UNC13C: variants seen among roughly 807,000 people sequenced by gnomAD.
UNC13C encodes protein unc-13 homolog C.
UNC13C carries 174 observed loss-of-function variants against 245.4 expected under a neutral mutation model. The observed-to-expected ratio is 0.71, with a 90% CI of 0.63 to 0.80. The LOEUF (loss-of-function observed/expected upper bound fraction) is 0.80. Ranked by LOEUF, UNC13C falls within the 30% of genes least tolerant of loss-of-function variation. The pLI, the probability that UNC13C is intolerant of heterozygous loss-of-function variation, is 0.00. For missense variants in UNC13C, 2,829 were observed against 2,602.9 expected, an observed-to-expected ratio of 1.09 and a Z score of -1.89; for synonymous variants, 992 against 895.1, an observed-to-expected ratio of 1.11 and a Z score of -1.93.
At chr15:54,378,437 G>A (rs1379871574) in intron 17 of UNC13C, among the ~76,000 whole-genome samples, 2 of 152,012 alleles carry the variant, frequency 1.3e-5, no homozygotes, top group Non-Finnish European at 2.9e-5. Context: ...TAAAATGGTA[G>A]TGTTTTATAT....
chr15:54,073,275 T>G (rs529047746), intron 2 of UNC13C, among the ~76,000 whole-genome samples: 316 of 152,246 alleles, frequency 2.1e-3, no homozygotes, highest in African/African-American at 7.3e-3. Flanking sequence ...TTTATCTAGT[T>G]TATCATTGAT....
intron 18 of UNC13C, among the ~76,000 whole-genome samples, chr15:54,410,615 G>A (rs895436701): frequency 2.0e-5 from 3 of 151,996 alleles, no homozygotes; most frequent in African/African-American, 4.8e-5. Flanking sequence ...TATTAAATGG[G>A]GAGTCGTTTC....
the UNC13C span, among the ~76,000 whole-genome samples, chr15:53,949,807 A>G: frequency 6.6e-6 from 1 of 152,192 alleles, no homozygotes; most frequent in Non-Finnish European, 1.5e-5. Context: ...TATAGTCCTC[A>G]AGATTCTTAT....
intron 30 of UNC13C, among the ~76,000 whole-genome samples, chr15:54,618,661 G>A (rs190560605): frequency 2.0e-3 from 299 of 152,166 alleles, no homozygotes; most frequent in South Asian, 0.012. Context: ...ACATAGTAAA[G>A]CAAATCTTCC....
chr15:53,938,320 G>C, the UNC13C span, among the ~76,000 whole-genome samples: 1 of 152,150 alleles, frequency 6.6e-6, no homozygotes, highest in African/African-American at 2.4e-5. Context: ...AACAAGAAGA[G>C]CTAACTATCC....
the UNC13C span, among the ~76,000 whole-genome samples, chr15:53,935,115 C>T: frequency 2.0e-5 from 3 of 151,796 alleles, no homozygotes; most frequent in African/African-American, 7.3e-5. Flanking sequence ...ACAATATCTC[C>T]TACTTTTCTT....
chr15:54,069,187 A>G (rs1898205651), intron 2 of UNC13C, among the ~76,000 whole-genome samples: 1 of 152,176 alleles, frequency 6.6e-6, no homozygotes. Context: ...CACTAGAAGG[A>G]GTGCGTTCCT....
chr15:53,988,985 A>G (rs7177860), intron 1 of UNC13C, among the ~76,000 whole-genome samples: 72,061 of 151,678 alleles, frequency 0.48, 18,209 homozygotes, highest in African/African-American at 0.65. Context: ...CTAGCTAGCT[A>G]GATTCCCCTT....
chr15:53,888,805 G>T, the UNC13C span, among the ~76,000 whole-genome samples: 1 of 152,102 alleles, frequency 6.6e-6, no homozygotes, highest in African/African-American at 2.4e-5. Context: ...ATTAGATAGG[G>T]TATCTTTTCC....
Position 54,543,410 on chromosome 15 carries a change from T to A in UNC13C, c.5697-3312T>A, listed in dbSNP as rs28789708. Among the ~76,000 whole-genome samples, 490 of 151,568 alleles carry A rather than the reference T, an allele frequency of 3.2e-3. 4 individuals carry two copies. The highest frequency in any genetic ancestry group is 0.011 in the African/African-American group (463 of 41,286). ...GAACTAGAGAAGCAAGAAAAACAAA[T>A]TCAAAAGCTAGGAGAAAAGAAGTAA... On this transcript the variant is annotated intron_variant, in intron 26 of 32. Coordinates refer to ENST00000260323, the MANE Select transcript of UNC13C (RefSeq NM_001080534.3).
chr15:54,220,012 T>C (rs1231216061), intron 4 of UNC13C, among the ~76,000 whole-genome samples: 1 of 141,850 alleles, frequency 7.0e-6, no homozygotes, highest in East Asian at 2.0e-4. Flanking sequence ...TGTAAACTAG[T>C]TCAACCATTG....
chr15:53,989,628 C>G (rs1478673645), intron 1 of UNC13C, among the ~76,000 whole-genome samples: 1 of 151,382 alleles, frequency 6.6e-6, no homozygotes, highest in East Asian at 1.9e-4. Flanking sequence ...AGAATAATAT[C>G]TGCAAGTTAA....
intron 11 of UNC13C, among the ~76,000 whole-genome samples, chr15:54,295,702 G>A (rs1490321861): frequency 2.0e-5 from 3 of 149,572 alleles, no homozygotes; most frequent in African/African-American, 7.5e-5. Context: ...CCATGTACCA[G>A]ACTATATTCA....
chr15:54,364,136 G>T (rs1226960262), intron 17 of UNC13C, among the ~76,000 whole-genome samples: 1 of 152,092 alleles, frequency 6.6e-6, no homozygotes, highest in East Asian at 1.9e-4. Context: ...CTTAACAGAT[G>T]CTATATGAAA....
the UNC13C span, among the ~76,000 whole-genome samples, chr15:53,920,724 G>C: frequency 1.3e-5 from 2 of 151,782 alleles, no homozygotes; most frequent in African/African-American, 4.8e-5. Context: ...TTCTCCATAA[G>C]AGAACCATTT....
chr15:54,325,149 G>T (rs74589488), intron 14 of UNC13C, among the ~76,000 whole-genome samples: 2 of 151,818 alleles, frequency 1.3e-5, no homozygotes, highest in Non-Finnish European at 2.9e-5. Flanking sequence ...ATTAAAAATC[G>T]AGTTTTTATG....
chr15:54,161,532 TTC>T (rs1286229620), intron 4 of UNC13C, among the ~76,000 whole-genome samples: 3 of 152,186 alleles, frequency 2.0e-5, no homozygotes, highest in Non-Finnish European at 4.4e-5. Context: ...CTGCCAGAAT[TTC>T]TCTTATATTG....
intron 10 of UNC13C, among the ~76,000 whole-genome samples, chr15:54,292,910 T>C (rs1451863394): frequency 2.0e-5 from 3 of 148,392 alleles, no homozygotes; most frequent in African/African-American, 7.3e-5. Context: ...ATAGATAATA[T>C]ATAGATTATA....
At position 54,393,173 on chromosome 15, in the gene UNC13C, C is replaced by A; in HGVS notation, c.4839C>A (p.Val1613=). 1 of 1,582,480 alleles carries A rather than the reference C, an allele frequency of 6.3e-7. No homozygotes were observed. The highest frequency in any genetic ancestry group is 8.6e-7 in the Non-Finnish European group (1 of 1,168,852). The change falls in exon 18 of 33, where the codon GTC becomes GTA. Residue 1613 remains valine (V), a synonymous_variant. Coordinates refer to ENST00000260323, the MANE Select transcript of UNC13C (RefSeq NM_001080534.3). The part of the protein sequence containing the change: ...IDEDKTAYTP[V]LNQFPQELNM... ...AGGATAAAACTGCCTACACACCTGT[C>A]CTGAATCAGTAAGTACAATGTTTTG...
Sources: allele counts gnomAD v4.1 joint callset (sites outside exome capture counted in the v4.1 genomes callset), GRCh38; gene constraint gnomAD v4.1.1; transcripts MANE v1.5; gene names NCBI Gene and HGNC (gene_info 2026-07-23, HGNC 2026-07-21).